The following HTR4 variants were observed in gnomAD, a reference collection of about 807,000 sequenced individuals.
HTR4 encodes 5-hydroxytryptamine (serotonin) receptor 4, G protein-coupled.
Under a neutral mutation model 36.8 loss-of-function variants are expected in HTR4, and 16 were observed. The observed-to-expected ratio is 0.43, with a 90% CI of 0.29 to 0.66. HTR4 has a LOEUF of 0.66. Among genes scored for constraint, HTR4 ranks in the 30% least tolerant of loss-of-function variants. HTR4 has a pLI of 0.13. For synonymous variants in HTR4, 189 were observed against 185.1 expected, an observed-to-expected ratio of 1.02 and a Z score of -0.17; for missense variants, 438 against 490.9, an observed-to-expected ratio of 0.89 and a Z score of 1.02.
intron 2 of HTR4, among the ~76,000 whole-genome samples, chr5:148,569,663 C>T (rs1760596811): frequency 6.6e-6 from 1 of 151,474 alleles, no homozygotes; most frequent in Non-Finnish European, 1.5e-5. Context: ...GTATCCAAAA[C>T]ATGAGTAGAT....
rs370527370 is a variant in HTR4, at chr5:148,556,270, C to T, written c.27-6008G>A. ...AACTCCTGACCTCAGGTGATCTGCC[C>T]GCCTCGGCCTCCCAACTTGCTGGGA... On this transcript the variant is annotated intron_variant, in intron 2 of 6. Transcript: ENST00000377888. 3.9e-4 allele frequency among the ~76,000 whole-genome samples: 60 copies of T among 152,190 alleles called. No individual in the cohort carries two copies. In the South Asian group the frequency reaches 8.3e-3, roughly 21 times the overall value.
chr5:148,527,747 G>T (rs1426724004), intron 4 of HTR4, among the ~76,000 whole-genome samples: 1 of 152,114 alleles, frequency 6.6e-6, no homozygotes, highest in Non-Finnish European at 1.5e-5. Flanking sequence ...CTGAGTAGCT[G>T]GGAATACAGG....
chr5:148,625,909 C>T (rs1174516363), intron 2 of HTR4, among the ~76,000 whole-genome samples: 6 of 150,330 alleles, frequency 4.0e-5, no homozygotes, highest in East Asian at 2.0e-4. Context: ...TGAAGTGGAT[C>T]GAACCCTTTT....
At chr5:148,604,187 AT>A (rs1397214309) in intron 2 of HTR4, among the ~76,000 whole-genome samples, 3 of 152,276 alleles carry the variant, frequency 2.0e-5, no homozygotes, top group Non-Finnish European at 4.4e-5. Flanking sequence ...ATTAGACTAC[AT>A]TTTGAAGAGC....
intron 2 of HTR4, among the ~76,000 whole-genome samples, chr5:148,566,889 C>A (rs1054150758): frequency 6.6e-6 from 1 of 151,462 alleles, no homozygotes; most frequent in African/African-American, 2.4e-5. Flanking sequence ...TGAATTATTT[C>A]TTCATTTTTT....
intron 1 of HTR4, among the ~76,000 whole-genome samples, chr5:148,644,132 G>C (rs896913260): frequency 1.3e-5 from 2 of 152,118 alleles, no homozygotes; most frequent in African/African-American, 4.8e-5. Flanking sequence ...TACTGTTGCT[G>C]GTGGTTCAGG....
intron 2 of HTR4, among the ~76,000 whole-genome samples, chr5:148,633,871 T>G (rs1312077495): frequency 6.6e-6 from 1 of 152,144 alleles, no homozygotes; most frequent in East Asian, 1.9e-4. Flanking sequence ...CTAATCCTGG[T>G]CCTCCAGCAT....
intron 2 of HTR4, among the ~76,000 whole-genome samples, chr5:148,636,050 C>T (rs540545476): frequency 6.6e-6 from 1 of 152,228 alleles, no homozygotes; most frequent in Admixed American, 6.5e-5. Context: ...CCACCATGTA[C>T]CAGGGATTTT....
intron 2 of HTR4, among the ~76,000 whole-genome samples, chr5:148,589,633 G>A (rs1761482218): frequency 1.3e-5 from 2 of 152,040 alleles, no homozygotes; most frequent in Admixed American, 1.3e-4. Flanking sequence ...AATAATTTCT[G>A]TAGTTGGCTT....
chr5:148,482,888 T>G lies in HTR4; in HGVS notation c.*315A>C, dbSNP rs200762096. Reference sequence around the variant, plus strand: ...CAAGCTATCGTGCTTAGAACGTGAGTGAGACAGATCAGACACAGTGAGTGA... The same window carrying G: ...CAAGCTATCGTGCTTAGAACGTGAGGGAGACAGATCAGACACAGTGAGTGA... On this transcript the variant is annotated 3_prime_UTR_variant, in exon 7 of 7. Coordinates refer to ENST00000377888, the MANE Select transcript of HTR4 (RefSeq NM_000870.7). The G allele has an allele frequency of 8.7e-5, 107 of 1,235,226 alleles. 1 individual carries two copies. The highest frequency in any genetic ancestry group is 1.1e-4 in the African/African-American group (7 of 65,496). 76.5% of individuals were successfully genotyped at this position (1,235,226 alleles called of 1,614,324 possible).
intron 2 of HTR4, among the ~76,000 whole-genome samples, chr5:148,560,394 G>A (rs1255892976): frequency 6.6e-6 from 1 of 152,088 alleles, no homozygotes; most frequent in African/African-American, 2.4e-5. Flanking sequence ...CTTGGGTGAA[G>A]ACCAAAATTT....
intron 6 of HTR4, among the ~76,000 whole-genome samples, chr5:148,483,759 G>A (rs1252959807): frequency 1.3e-5 from 2 of 152,128 alleles, no homozygotes; most frequent in Non-Finnish European, 2.9e-5. Flanking sequence ...CTTACATCAT[G>A]TGCTTTTCAT....
chr5:148,506,147 A>C (rs1359164356), intron 6 of HTR4, among the ~76,000 whole-genome samples: 1 of 152,226 alleles, frequency 6.6e-6, no homozygotes, highest in Non-Finnish European at 1.5e-5. Flanking sequence ...CAGTCAGCAA[A>C]ACAGCATGGT....
Position 148,509,543 on chromosome 5 carries a change from T to C in HTR4, c.989A>G (p.Asp330Gly). Reference protein sequence around the residue: ...RRAFLIILCCDDERYRRPSIL... With the variant: ...RRAFLIILCCGDERYRRPSIL... ...GGAAGGTCTTCGGTAGCGCTCATCA[T>C]CACAGCAGAGGATGATGAGGAAGGC... Residue 330 changes from aspartate to glycine, a missense_variant, in exon 6 of 7, where the codon GAT becomes GGT. Physicochemically the swap from Asp to Gly is moderately conservative, Grantham distance 94. Coordinates refer to ENST00000377888, the MANE Select transcript of HTR4 (RefSeq NM_000870.7). 1 of 1,614,002 alleles carries C rather than the reference T, an allele frequency of 6.2e-7. No individual in the cohort carries two copies. The highest frequency in any genetic ancestry group is 8.5e-7 in the Non-Finnish European group (1 of 1,179,976).
chr5:148,509,359 T>C (rs1481885470), intron 6 of HTR4, 97 bp downstream of exon 6: 1 of 866,862 alleles, frequency 1.2e-6, no homozygotes, highest in Non-Finnish European at 1.8e-6. Context: ...TCTATGCAGG[T>C]TTCAGGGATA....
At chr5:148,609,327 C>A (rs1752311491) in intron 2 of HTR4, among the ~76,000 whole-genome samples, 1 of 152,160 alleles carries the variant, frequency 6.6e-6, no homozygotes, top group Non-Finnish European at 1.5e-5. Context: ...TCTTCTCTTC[C>A]TTCAGTCAAC....
intron 2 of HTR4, among the ~76,000 whole-genome samples, chr5:148,622,685 T>A (rs1448461374): frequency 6.6e-6 from 1 of 152,236 alleles, no homozygotes; most frequent in South Asian, 2.1e-4. Flanking sequence ...TTTCCTTATC[T>A]ATAAGTTGGG....
intron 2 of HTR4, among the ~76,000 whole-genome samples, chr5:148,560,002 ATTTGTTTC>A (rs1386247210): frequency 2.0e-5 from 3 of 151,948 alleles, no homozygotes; most frequent in Non-Finnish European, 4.4e-5. Context: ...TGTGGTCTTC[ATTTGTTTC>A]CATATTCTAG....
intron 2 of HTR4, among the ~76,000 whole-genome samples, chr5:148,609,580 G>GT (rs1263718496): frequency 5.5e-5 from 7 of 126,154 alleles, no homozygotes; most frequent in Non-Finnish European, 1.2e-4. Context: ...AATTTTTAAG[G>GT]GTTTTTTTTT....
Sources: allele counts gnomAD v4.1 joint callset (sites outside exome capture counted in the v4.1 genomes callset), GRCh38; gene constraint gnomAD v4.1.1; transcripts MANE v1.5; gene names NCBI Gene and HGNC (gene_info 2026-07-23, HGNC 2026-07-21).